The following ADK variants were observed in gnomAD, a reference collection of about 807,000 sequenced individuals.
ADK encodes the protein N6,N6-dimethyladenosine kinase.
In ADK, 24 loss-of-function variants were observed where a neutral mutation model predicts 44.7. The ratio of observed to expected loss-of-function variants is 0.54; its 90% CI spans 0.39 to 0.76. ADK has a LOEUF of 0.76. Among genes scored for constraint, ADK ranks in the 30% least tolerant of loss-of-function variants. ADK has a pLI of 0.00. For synonymous variants in ADK, 128 were observed against 142.6 expected (o/e 0.90, Z 0.73); for missense variants, 321 against 425.1 (o/e 0.76, Z 2.15).
At chr10:74,666,205 A>G (rs939008120) in intron 9 of ADK, among the ~76,000 whole-genome samples, 6 of 152,232 alleles carry the variant, frequency 3.9e-5, no homozygotes, top group Non-Finnish European at 7.3e-5. Context: ...GTGATTAGGT[A>G]GTGAAGCTTG....
At position 74,525,446 on chromosome 10, in the gene ADK, T is replaced by G; in HGVS notation, c.726+20T>G. 6.3e-7 allele frequency: 1 copy of G among 1,599,778 alleles called. No individual in the cohort carries two copies. The highest frequency in any genetic ancestry group is 1.1e-5 in the South Asian group (1 of 90,764). On this transcript the variant is annotated intron_variant, in intron 7 of 10. Coordinates refer to ENST00000539909, the MANE Select transcript of ADK (RefSeq NM_006721.4). Reference sequence around the variant, plus strand: ...GAGACAGTGAGTTACCTTTCCTTTTTCAAAAGAACCTGGGGGTTTTTTGTT... The same window carrying G: ...GAGACAGTGAGTTACCTTTCCTTTTGCAAAAGAACCTGGGGGTTTTTTGTT...
chr10:74,308,682 T>G (rs1383204700), intron 3 of ADK, among the ~76,000 whole-genome samples: 1 of 152,236 alleles, frequency 6.6e-6, no homozygotes, highest in Non-Finnish European at 1.5e-5. Context: ...GGAAGTTAAA[T>G]TTTTGGAATT....
At chr10:74,546,942 A>AT (rs1459827470) in intron 7 of ADK, among the ~76,000 whole-genome samples, 1 of 152,180 alleles carries the variant, frequency 6.6e-6, no homozygotes, top group Non-Finnish European at 1.5e-5. Flanking sequence ...AAAAGAAAAA[A>AT]TTAAAATTAA....
intron 4 of ADK, among the ~76,000 whole-genome samples, chr10:74,317,060 A>G (rs982789896): frequency 6.6e-6 from 1 of 152,220 alleles, no homozygotes; most frequent in Non-Finnish European, 1.5e-5. Context: ...ATGGCAAATT[A>G]TGTCAACAAG....
At chr10:74,452,900 G>A (rs191958055) in intron 6 of ADK, among the ~76,000 whole-genome samples, 1 of 151,996 alleles carries the variant, frequency 6.6e-6, no homozygotes, top group African/African-American at 2.4e-5. Flanking sequence ...ACTCAAAAAA[G>A]GAAATGTGTA....
chr10:74,174,629 C>G (rs1235862254), intron 1 of ADK: 1 of 152,252 alleles, frequency 6.6e-6, no homozygotes, highest in East Asian at 1.9e-4. Context: ...GTGGGTAACT[C>G]TAGCCAGTGT....
intron 6 of ADK, among the ~76,000 whole-genome samples, chr10:74,450,135 TGTCTCCAC>T (rs1845722754): frequency 6.6e-6 from 1 of 152,106 alleles, no homozygotes; most frequent in South Asian, 2.1e-4. Context: ...CGAAAAACTC[TGTCTCCAC>T]AAAAAATTAA....
chr10:74,690,766 C>A (rs1855964649), intron 10 of ADK, among the ~76,000 whole-genome samples: 1 of 152,176 alleles, frequency 6.6e-6, no homozygotes. Context: ...ACGTGGCTTT[C>A]TCTCCTAAAG....
chr10:74,315,553 C>T (rs979577475), intron 4 of ADK, among the ~76,000 whole-genome samples: 31 of 152,166 alleles, frequency 2.0e-4, no homozygotes, highest in Admixed American at 1.2e-3. Context: ...CTGGTTCTTA[C>T]CTCTGCAGTT....
chr10:74,612,044 G>C (rs1463846341), intron 9 of ADK, among the ~76,000 whole-genome samples: 1 of 152,130 alleles, frequency 6.6e-6, no homozygotes, highest in African/African-American at 2.4e-5. Flanking sequence ...CTTTGAGAAA[G>C]TTCCAAACTG....
chr10:74,338,896 A>G (rs1252808815), intron 4 of ADK, among the ~76,000 whole-genome samples: 1 of 152,154 alleles, frequency 6.6e-6, no homozygotes, highest in Non-Finnish European at 1.5e-5. Context: ...GATTTTATAG[A>G]ATAGTACACA....
intron 6 of ADK, among the ~76,000 whole-genome samples, chr10:74,517,921 T>A (rs1848657401): frequency 6.6e-6 from 1 of 152,138 alleles, no homozygotes; most frequent in African/African-American, 2.4e-5. Flanking sequence ...TATTATAACA[T>A]TGTAATTATA....
At chr10:74,678,877 T>A (rs1165960337) in intron 10 of ADK, among the ~76,000 whole-genome samples, 3 of 152,208 alleles carry the variant, frequency 2.0e-5, no homozygotes, top group Non-Finnish European at 4.4e-5. Context: ...TCAGCTGCTA[T>A]TAAATGAATC....
At chr10:74,301,785 T>A (rs895616853) in intron 3 of ADK, among the ~76,000 whole-genome samples, 49 of 152,110 alleles carry the variant, frequency 3.2e-4, no homozygotes, top group African/African-American at 1.2e-3. Flanking sequence ...TCTAAAAGAA[T>A]AATAGATGTC....
At chr10:74,501,383 T>G (rs1390815367) in intron 6 of ADK, among the ~76,000 whole-genome samples, 1 of 152,196 alleles carries the variant, frequency 6.6e-6, no homozygotes, top group Non-Finnish European at 1.5e-5. Flanking sequence ...AAATTTCGTG[T>G]TTATAAAATT....
At chr10:74,195,391 G>A (rs1448884548) in intron 1 of ADK, among the ~76,000 whole-genome samples, 4 of 152,188 alleles carry the variant, frequency 2.6e-5, no homozygotes, top group South Asian at 2.1e-4. Context: ...AGAGAGAAAC[G>A]TGACATGAGC....
At chr10:74,420,867 A>G (rs1397772180) in intron 6 of ADK, among the ~76,000 whole-genome samples, 1 of 152,114 alleles carries the variant, frequency 6.6e-6, no homozygotes, top group Non-Finnish European at 1.5e-5. Context: ...TATTTCAGGT[A>G]TTGAAATTAC....
intron 4 of ADK, among the ~76,000 whole-genome samples, chr10:74,340,618 C>T (rs1192368886): frequency 6.6e-6 from 1 of 152,064 alleles, no homozygotes; most frequent in African/African-American, 2.4e-5. Flanking sequence ...TATATATTGA[C>T]AGATCTGGGC....
chr10:74,351,591 T>C (rs1354422452), intron 4 of ADK, among the ~76,000 whole-genome samples: 1 of 152,102 alleles, frequency 6.6e-6, no homozygotes, highest in Non-Finnish European at 1.5e-5. Context: ...GAGAAAGAAA[T>C]AAAGCGTATT....
Sources: allele counts gnomAD v4.1 joint callset (sites outside exome capture counted in the v4.1 genomes callset), GRCh38; gene constraint gnomAD v4.1.1; transcripts MANE v1.5; gene names NCBI Gene and HGNC (gene_info 2026-07-23, HGNC 2026-07-21).